Variants in MFF observed in about 807,000 individuals in gnomAD.
MFF encodes the protein chromosome 2 open reading frame 33.
MFF carries 12 observed loss-of-function variants against 36.9 expected under a neutral mutation model. That is an observed-to-expected ratio of 0.33 (90% CI 0.21 to 0.53). The LOEUF is 0.53. Among genes scored for constraint, MFF ranks in the 20% least tolerant of loss-of-function variants. The pLI, the probability that MFF is intolerant of heterozygous loss-of-function variation, is 0.95. For synonymous variants in MFF, 99 were observed against 126.2 expected (o/e 0.78, Z 1.44); for missense variants, 348 against 366.6 (o/e 0.95, Z 0.42).
chr2:227,332,258 C>T (rs1415308539), intron 3 of MFF, among the ~76,000 whole-genome samples, 161 bp from the exon 4 acceptor site: 1 of 152,076 alleles, frequency 6.6e-6, no homozygotes, highest in East Asian at 1.9e-4. Context: ...AGGCGTGAGC[C>T]ACCGCGCCCG....
chr2:227,355,668 T>C lies in MFF; in HGVS notation c.660-9T>C. Reference sequence around the variant, plus strand: ...ACTATTCATTTGTATTTCTATCTCTTATCTGCAGGTATGGCATTTCAAATA... The same window carrying C: ...ACTATTCATTTGTATTTCTATCTCTCATCTGCAGGTATGGCATTTCAAATA... On this transcript the variant is annotated splice_polypyrimidine_tract_variant and intron_variant, in intron 7 of 8. Coordinates refer to ENST00000304593, the MANE Select transcript of MFF (RefSeq NM_001277062.2). 1 of 1,387,926 alleles carries C rather than the reference T, an allele frequency of 7.2e-7. No homozygotes were observed. Among genetic ancestry groups the C allele is most frequent in the Non-Finnish European group, 9.8e-7 (1 of 1,019,054 alleles). 86.0% of individuals were successfully genotyped at this position (1,387,926 alleles called of 1,614,324 possible).
intron 4 of MFF, among the ~76,000 whole-genome samples, chr2:227,339,356 G>A (rs1476748584): frequency 6.6e-6 from 1 of 152,192 alleles, no homozygotes; most frequent in Non-Finnish European, 1.5e-5. Context: ...TTAGGTATTT[G>A]CAGTTGCCGT....
intron 4 of MFF, among the ~76,000 whole-genome samples, chr2:227,338,057 A>T (rs1462643997): frequency 6.6e-6 from 1 of 150,436 alleles, no homozygotes; most frequent in Non-Finnish European, 1.5e-5. Context: ...AAAAAAAAAA[A>T]TCTCAGATTG....
chr2:227,353,544 T>G (rs1256287641), intron 7 of MFF, among the ~76,000 whole-genome samples: 1 of 152,186 alleles, frequency 6.6e-6, no homozygotes, highest in Non-Finnish European at 1.5e-5. Context: ...CTTAGTTCAG[T>G]TCATTGTCGT....
In MFF at chr2:227,352,706, A is replaced by G. The variant is rs1275773710; in HGVS notation, c.659+133A>G. 5.5e-6 allele frequency: 4 copies of G among 728,644 alleles called. No individual in the cohort carries two copies. In the African/African-American group the frequency reaches 6.9e-5, roughly 13 times the overall value. 45.1% of individuals were successfully genotyped at this position (728,644 alleles called of 1,614,324 possible). A position where few individuals can be genotyped will look rare whatever the true frequency, so the allele number is the denominator to read the frequency against. ...TTCTACAGCTTTCCTCGATGAGTAC[A>G]TCTTGCTTCTCTCTAAGAACAGTGA... On this transcript the variant is annotated intron_variant, in intron 7 of 8. Coordinates refer to ENST00000304593, the MANE Select transcript of MFF (RefSeq NM_001277062.2).
chr2:227,354,551 A>G lies in MFF; in HGVS notation c.660-1126A>G, dbSNP rs58657985. 6.3e-3 allele frequency among the ~76,000 whole-genome samples: 956 copies of G among 152,368 alleles called. 15 individuals are homozygous for G. The highest frequency in any genetic ancestry group is 0.022 in the African/African-American group (900 of 41,590). On this transcript the variant is annotated intron_variant, in intron 7 of 8. Coordinates refer to ENST00000304593, the MANE Select transcript of MFF (RefSeq NM_001277062.2). ...ATATAAGTTGTATCTCAATGAAGCTATTAATTAAACTAAATTTTAAAATGT... is the reference window on the plus strand; with the variant it reads ...ATATAAGTTGTATCTCAATGAAGCTGTTAATTAAACTAAATTTTAAAATGT...
At chr2:227,338,922 G>T (rs1273644228) in intron 4 of MFF, among the ~76,000 whole-genome samples, 1 of 150,164 alleles carries the variant, frequency 6.7e-6, no homozygotes, top group African/African-American at 2.4e-5. Context: ...TAGTATTTTT[G>T]TTGGGCTCAG....
intron 2 of MFF, chr2:227,329,884 T>C: frequency 2.7e-6 from 2 of 742,214 alleles, no homozygotes; most frequent in Admixed American, 2.7e-5. Flanking sequence ...TACATTTTTA[T>C]CAGCTTTTGT....
intron 3 of MFF, 63 bp downstream of exon 3, chr2:227,330,909 CTT>C: frequency 2.2e-6 from 3 of 1,374,958 alleles, no homozygotes. Context: ...TCTATGAAAA[CTT>C]TTGAGTTTTT....
intron 3 of MFF, among the ~76,000 whole-genome samples, chr2:227,331,994 CGGA>C (rs1234523369): frequency 7.2e-5 from 5 of 69,066 alleles, no homozygotes; most frequent in Non-Finnish European, 1.2e-4. Flanking sequence ...TTTTTTGAGA[CGGA>C]GTCTCGCTCT....
intron 2 of MFF, chr2:227,329,779 G>A: frequency 6.3e-7 from 1 of 1,580,956 alleles, no homozygotes; most frequent in Non-Finnish European, 8.7e-7. Flanking sequence ...CACATCACTA[G>A]GAAGGTCAGT....
At chr2:227,340,600 A>G (rs1465748167) in intron 5 of MFF, 3 of 449,080 alleles carry the variant, frequency 6.7e-6, no homozygotes, top group Non-Finnish European at 1.2e-5. Context: ...ATGATTTGCT[A>G]ATTAAGTTGT....
chr2:227,352,608 T>C, intron 7 of MFF, 35 bp downstream of exon 7: 1 of 1,456,736 alleles, frequency 6.9e-7, no homozygotes, highest in Non-Finnish European at 9.3e-7. Context: ...CCAGGGTAAA[T>C]GCTTGGCGGA....
At chr2:227,345,072 A>G (rs1427740622) in intron 5 of MFF, among the ~76,000 whole-genome samples, 1 of 152,198 alleles carries the variant, frequency 6.6e-6, no homozygotes, top group East Asian at 1.9e-4. Flanking sequence ...AACCTTCTGC[A>G]TTCCATCTTA....
intron 4 of MFF, among the ~76,000 whole-genome samples, chr2:227,336,946 C>T (rs768678307): frequency 1.3e-5 from 2 of 152,172 alleles, no homozygotes; most frequent in Non-Finnish European, 2.9e-5. Flanking sequence ...TTAAAAGGGT[C>T]CTGTGGAAGC....
intron 4 of MFF, among the ~76,000 whole-genome samples, chr2:227,336,841 G>A (rs2075043513): frequency 2.0e-5 from 3 of 152,198 alleles, no homozygotes; most frequent in Admixed American, 2.0e-4. Flanking sequence ...CAGTTCAATT[G>A]ATATGACAAC....
chr2:227,352,543 C>T lies in MFF; in HGVS notation c.629C>T (p.Ala210Val). 2 of 1,613,856 alleles carry T rather than the reference C, an allele frequency of 1.2e-6. No homozygotes were observed. Among genetic ancestry groups the T allele is most frequent in the Non-Finnish European group, 1.7e-6 (2 of 1,179,812 alleles). Reference sequence around the variant, plus strand: ...GTGTTGCGTGGTGGGTCTGCTGCCGCCACTTCTAATCCTCATCATGACAAC... The same window carrying T: ...GTGTTGCGTGGTGGGTCTGCTGCCGTCACTTCTAATCCTCATCATGACAAC... ...RPVLRGGSAA[A>V]TSNPHHDNVR... Residue 210 changes from alanine (A) to valine (V), a missense_variant, in exon 7 of 9, where the codon GCC becomes GTC. Physicochemically the swap from Ala to Val is moderately conservative, Grantham distance 64. Transcript: ENST00000304593.
In MFF at chr2:227,332,563, C is replaced by T; in HGVS notation, c.326C>T (p.Pro109Leu). 1 of 1,610,670 alleles carries T rather than the reference C, an allele frequency of 6.2e-7. No individual in the cohort carries two copies. The highest frequency in any genetic ancestry group is 8.5e-7 in the Non-Finnish European group (1 of 1,178,504). Residue 109 changes from proline to leucine, a missense_variant, in exon 4 of 9, where the codon CCT (proline) becomes CTT (leucine). Coordinates refer to ENST00000304593, the MANE Select transcript of MFF (RefSeq NM_001277062.2). Reference sequence around the variant, plus strand: ...CTAGATTTTCTGGATTTAGAAAGACCTCCTACAACCCCTCAAAATGAAGAA... The same window carrying T: ...CTAGATTTTCTGGATTTAGAAAGACTTCCTACAACCCCTCAAAATGAAGAA... ...RPLDFLDLERPPTTPQNEEIR... is the reference protein window; with the variant it reads ...RPLDFLDLERLPTTPQNEEIR...
rs1265040944 is a variant in MFF at position 227,325,301 on chromosome 2, CCGCTCCGCCGG to C, written c.-278_-268del. On this transcript the variant is annotated 5_prime_UTR_variant, in exon 1 of 9. Coordinates refer to ENST00000304593, the MANE Select transcript of MFF (RefSeq NM_001277062.2). ...CGCTTCTGCCCTGGCCCTCTGCGGG[CCGCTCCGCCGG>C]TGCTGTCCCTGGGCGCCTCCGTGCT... The C allele has an allele frequency of 7.7e-5, 12 of 156,290 alleles. No homozygotes were observed. Among genetic ancestry groups the C allele is most frequent in the African/African-American group, 2.9e-4 (12 of 41,744 alleles). The allele number at this position is 156,290 out of a possible 1,614,324, so 9.7% of individuals were successfully genotyped here.
Sources: gnomAD v4.1 joint callset for allele counts (sites outside exome capture counted in the v4.1 genomes callset) on GRCh38, gnomAD v4.1.1 for gene constraint, MANE v1.5 for transcripts, NCBI Gene and HGNC (gene_info 2026-07-23, HGNC 2026-07-21) for gene names.